TMC2: variants seen among roughly 807,000 people sequenced by gnomAD.
TMC2 encodes the protein transmembrane channel like 2.
In TMC2, 102 loss-of-function variants were observed where a neutral mutation model predicts 105.9. The observed-to-expected ratio is 0.96, with a 90% CI of 0.82 to 1.14. The LOEUF (loss-of-function observed/expected upper bound fraction) is 1.14, where lower values mean the gene tolerates loss of function less well. Among genes scored for constraint, TMC2 ranks in the 50% most tolerant of loss-of-function variants. The probability of loss-of-function intolerance (pLI) is 0.00; values close to 1 mark genes in which losing one functional copy is unlikely to be tolerated. For missense variants in TMC2, 1,093 were observed against 1,134.3 expected (o/e 0.96, Z 0.52); for synonymous variants, 402 against 422.8 (o/e 0.95, Z 0.60).
At chr20:2,623,535 CAAA>C (rs1226652222) in intron 16 of TMC2, among the ~76,000 whole-genome samples, 10 of 121,446 alleles carry the variant, frequency 8.2e-5, no homozygotes, top group Admixed American at 1.7e-4. Context: ...GAGACTCCAT[CAAA>C]AAAAAAAAAA....
Position 2,577,381 on chromosome 20 carries a change from C to T in TMC2, c.646-1765C>T, listed in dbSNP as rs182155767. Among the ~76,000 whole-genome samples, 688 of 152,210 alleles carry T rather than the reference C, an allele frequency of 4.5e-3. 7 individuals are homozygous for T. The highest frequency in any genetic ancestry group is 0.015 in the African/African-American group (616 of 41,524). ...AACACAGTCTCAGAGCTAGGGAGGG[C>T]GGATGAAGCAATGAGACTGGGCTGC... On this transcript the variant is annotated intron_variant, in intron 5 of 19. Coordinates refer to ENST00000358864, the MANE Select transcript of TMC2 (RefSeq NM_080751.3).
At chr20:2,596,935 A>C (rs1259212390) in intron 9 of TMC2, among the ~76,000 whole-genome samples, 2 of 151,998 alleles carry the variant, frequency 1.3e-5, no homozygotes, top group Non-Finnish European at 2.9e-5. Flanking sequence ...CATTGATACC[A>C]TGTGTGCTTT....
chr20:2,628,322 T>C (rs1227815639), intron 17 of TMC2, among the ~76,000 whole-genome samples: 5 of 152,244 alleles, frequency 3.3e-5, no homozygotes, highest in Admixed American at 3.3e-4. Context: ...ATTAAATGTA[T>C]TCCTCTGCAT....
chr20:2,589,756 G>A (rs554513010), intron 7 of TMC2, among the ~76,000 whole-genome samples: 8 of 152,210 alleles, frequency 5.3e-5, no homozygotes, highest in South Asian at 2.1e-4. Context: ...TGCAAGCTCC[G>A]CCTCCCAGGT....
chr20:2,589,577 C>T (rs2086254920), intron 7 of TMC2, among the ~76,000 whole-genome samples: 2 of 152,066 alleles, frequency 1.3e-5, no homozygotes, highest in Admixed American at 1.3e-4. Flanking sequence ...TGGATCTTGG[C>T]AGCACAAGTC....
intron 4 of TMC2, among the ~76,000 whole-genome samples, chr20:2,567,580 T>C (rs974487853): frequency 6.6e-6 from 1 of 152,158 alleles, no homozygotes; most frequent in Non-Finnish European, 1.5e-5. Context: ...TTTATTTTTG[T>C]AGAGACAGGG....
intron 2 of TMC2, among the ~76,000 whole-genome samples, chr20:2,545,748 G>A (rs1272493956): frequency 6.7e-6 from 1 of 148,416 alleles, no homozygotes; most frequent in Admixed American, 6.9e-5. Context: ...TGAAGATGAA[G>A]GAAGAAGAAG....
intron 3 of TMC2, among the ~76,000 whole-genome samples, chr20:2,560,676 A>G (rs2122831693): frequency 6.6e-6 from 1 of 151,972 alleles, no homozygotes; most frequent in Non-Finnish European, 1.5e-5. Context: ...TTTCTACTAA[A>G]AATACAAAAA....
intron 16 of TMC2, among the ~76,000 whole-genome samples, chr20:2,619,953 C>T (rs1236970486): frequency 6.6e-6 from 1 of 152,092 alleles, no homozygotes; most frequent in Non-Finnish European, 1.5e-5. Flanking sequence ...GTGGTACGTG[C>T]CTGTAGTCCC....
chr20:2,537,458 G>A (rs1600090576), intron 2 of TMC2, 142 bp downstream of exon 2: 1 of 755,000 alleles, frequency 1.3e-6, no homozygotes, highest in Non-Finnish European at 2.3e-6. Flanking sequence ...CTTCCTGGGA[G>A]GCAAGGTGTT....
Position 2,558,294 on chromosome 20 carries a change from T to C in TMC2, c.83-162T>C, listed in dbSNP as rs2085996857. On this transcript the variant is annotated intron_variant, in intron 2 of 19. Coordinates refer to ENST00000358864, the MANE Select transcript of TMC2 (RefSeq NM_080751.3). This position sits in a 1 kb window ranked among gnomAD's most constrained non-coding sequence, Gnocchi z 4.6. ...CTTAGTTTCCTTCAGCTTAAAATAC[T>C]CAACATGCCAAGGTGCCATACTTTG... The C allele has an allele frequency of 7.0e-7, 1 of 1,438,550 alleles. No individual in the cohort carries two copies. Among genetic ancestry groups the C allele is most frequent in the African/African-American group, 1.4e-5 (1 of 69,578 alleles). 89.1% of individuals were successfully genotyped at this position (1,438,550 alleles called of 1,614,324 possible).
intron 17 of TMC2, among the ~76,000 whole-genome samples, chr20:2,628,641 C>G (rs142427354): frequency 6.6e-6 from 1 of 152,134 alleles, no homozygotes; most frequent in Admixed American, 6.6e-5. Context: ...CCACTTTGCT[C>G]GGCACTTCTC....
intron 14 of TMC2, among the ~76,000 whole-genome samples, chr20:2,614,896 CA>C (rs1294102493): frequency 6.6e-6 from 1 of 151,638 alleles, no homozygotes; most frequent in African/African-American, 2.4e-5. Flanking sequence ...TCTTAAACAT[CA>C]AAAAAATGAA....
At chr20:2,562,087 C>A in intron 4 of TMC2, 77 bp downstream of exon 4, 2 of 1,516,152 alleles carry the variant, frequency 1.3e-6, no homozygotes, top group Non-Finnish European at 1.8e-6. Context: ...CCTCCCTCCA[C>A]ATTTCCCCAA....
chr20:2,584,177 G>A (rs2086214880), intron 7 of TMC2, among the ~76,000 whole-genome samples: 1 of 152,070 alleles, frequency 6.6e-6, no homozygotes, highest in African/African-American at 2.4e-5. Context: ...GGGCGCGGTG[G>A]CTCACGCCTG....
At position 2,558,601 on chromosome 20, in the gene TMC2, C is replaced by A. The variant is rs1403036142; in HGVS notation, c.228C>A (p.Arg76=). ...CTCCCCGGAGGAAGCAAACAGGGCG[C>A]AGGAGACACAGAGAAGAGCTGGGGG... ...PGSPRRKQTG[R]RRHREELGEQ... The change falls in exon 3 of 20, where the codon CGC becomes CGA. Residue 76 remains arginine (R), a synonymous_variant. Coordinates refer to ENST00000358864, the MANE Select transcript of TMC2 (RefSeq NM_080751.3). This position sits in a 1 kb window ranked among gnomAD's most constrained non-coding sequence, Gnocchi z 4.6. 6.4e-7 allele frequency: 1 copy of A among 1,556,676 alleles called. No individual in the cohort carries two copies.
chr20:2,603,040 C>A (rs2086363263), intron 11 of TMC2, among the ~76,000 whole-genome samples: 1 of 152,182 alleles, frequency 6.6e-6, no homozygotes, highest in Admixed American at 6.5e-5. Flanking sequence ...TCTTTTACTG[C>A]TTTTGGGAAC....
chr20:2,608,122 T>TAA (rs201069847), intron 11 of TMC2, among the ~76,000 whole-genome samples: 176 of 130,466 alleles, frequency 1.3e-3, no homozygotes, highest in Non-Finnish European at 2.3e-3. Context: ...AAAACTGTCT[T>TAA]AAAAAAAAAA....
chr20:2,551,527 T>G (rs1898211071), intron 2 of TMC2, among the ~76,000 whole-genome samples: 1 of 152,202 alleles, frequency 6.6e-6, no homozygotes, highest in Admixed American at 6.5e-5. Context: ...TTCTTTGTTT[T>G]TATTTTTGTT....
Sources: gnomAD v4.1 joint callset for allele counts (sites outside exome capture counted in the v4.1 genomes callset) on GRCh38, gnomAD v4.1.1 for gene constraint, Gnocchi (gnomAD v3.1) non-coding constraint, MANE v1.5 for transcripts, NCBI Gene and HGNC (gene_info 2026-07-23, HGNC 2026-07-21) for gene names.